The following MCTP1 variants were observed in gnomAD, a reference collection of about 807,000 sequenced individuals.
The protein encoded by MCTP1 is multiple C2 and transmembrane domain containing 1.
MCTP1 carries 69 observed loss-of-function variants against 120.6 expected under a neutral mutation model. That is an observed-to-expected ratio of 0.57 (90% CI 0.47 to 0.70). MCTP1 has a LOEUF of 0.70. MCTP1 is among the 30% of genes least tolerant of loss of function. The pLI is 0.00. For missense variants in MCTP1, 1,203 were observed against 1,248.8 expected, an observed-to-expected ratio of 0.96 and a Z score of 0.55; for synonymous variants, 529 against 493.1, an observed-to-expected ratio of 1.07 and a Z score of -0.96.
chr5:95,244,934 C>T (rs1014898955), intron 1 of MCTP1, among the ~76,000 whole-genome samples: 2 of 152,102 alleles, frequency 1.3e-5, no homozygotes, highest in African/African-American at 4.8e-5. Context: ...CTGACAGACA[C>T]CTCAAACAGG....
intron 17 of MCTP1, among the ~76,000 whole-genome samples, chr5:94,814,262 T>C (rs1381969942): frequency 6.6e-6 from 1 of 152,170 alleles, no homozygotes; most frequent in African/African-American, 2.4e-5. Flanking sequence ...TAAAAAGTGC[T>C]AAACTTTTGT....
chr5:95,208,220 G>T (rs1751900019), intron 1 of MCTP1, among the ~76,000 whole-genome samples: 1 of 152,128 alleles, frequency 6.6e-6, no homozygotes, highest in Non-Finnish European at 1.5e-5. Flanking sequence ...CTCCCTAGTA[G>T]CTGGGATTAC....
intron 2 of MCTP1, among the ~76,000 whole-genome samples, chr5:94,965,179 A>G (rs1411324201): frequency 3.3e-5 from 5 of 152,200 alleles, no homozygotes; most frequent in African/African-American, 4.8e-5. Flanking sequence ...GAGAAAGTCT[A>G]TATCTCTCCT....
At chr5:94,817,318 G>T (rs1189002960) in intron 17 of MCTP1, among the ~76,000 whole-genome samples, 4 of 152,200 alleles carry the variant, frequency 2.6e-5, no homozygotes, top group Middle Eastern at 3.2e-3. Flanking sequence ...TGAGGCATGA[G>T]AATCGCTTGA....
intron 10 of MCTP1, among the ~76,000 whole-genome samples, chr5:94,897,699 G>A (rs1407269125): frequency 6.6e-6 from 1 of 152,040 alleles, no homozygotes; most frequent in Non-Finnish European, 1.5e-5. Flanking sequence ...TTAGGTTTTG[G>A]TGGGCACATG....
rs545176224 is a variant in MCTP1, at chr5:94,906,503, T to C, written c.1652+2748A>G. 1.9e-3 allele frequency among the ~76,000 whole-genome samples: 295 copies of C among 152,136 alleles called. 1 individual carries two copies. The highest frequency in any genetic ancestry group is 2.5e-3 in the Non-Finnish European group (170 of 67,962). On this transcript the variant is annotated intron_variant, in intron 10 of 22. Coordinates refer to ENST00000515393, the MANE Select transcript of MCTP1 (RefSeq NM_024717.7). Reference sequence around the variant, plus strand: ...CCTGTCTCAAAAACAAAAACAAGAATGGAAGTGGGTAATGTTCAGTACTAA... The same window carrying C: ...CCTGTCTCAAAAACAAAAACAAGAACGGAAGTGGGTAATGTTCAGTACTAA...
intron 1 of MCTP1, among the ~76,000 whole-genome samples, chr5:95,065,449 T>C (rs973310130): frequency 1.3e-5 from 2 of 152,098 alleles, no homozygotes; most frequent in African/African-American, 2.4e-5. Context: ...TATTAAAATA[T>C]GGGTTACCGT....
chr5:95,201,048 A>G (rs1252563489), intron 1 of MCTP1, among the ~76,000 whole-genome samples: 2 of 152,250 alleles, frequency 1.3e-5, no homozygotes, highest in Non-Finnish European at 2.9e-5. Context: ...TGTGGATGCT[A>G]TAACTTTATT....
chr5:95,176,565 T>C (rs1310794133), intron 1 of MCTP1, among the ~76,000 whole-genome samples: 1 of 152,032 alleles, frequency 6.6e-6, no homozygotes, highest in African/African-American at 2.4e-5. Flanking sequence ...AAAGTCTTTT[T>C]CTCCAATAAG....
At chr5:94,709,926 A>G (rs1467066007) in intron 21 of MCTP1, 1 of 152,042 alleles carries the variant, frequency 6.6e-6, no homozygotes, top group Non-Finnish European at 1.5e-5. Context: ...ATTCCAACAT[A>G]TTTCTTCAAA....
intron 1 of MCTP1, among the ~76,000 whole-genome samples, chr5:95,198,347 A>G (rs1368391649): frequency 1.3e-5 from 2 of 152,170 alleles, no homozygotes; most frequent in Non-Finnish European, 2.9e-5. Flanking sequence ...TGGTGTAAAA[A>G]TGATACACAT....
At chr5:95,009,901 T>C (rs889898584) in intron 2 of MCTP1, among the ~76,000 whole-genome samples, 1 of 152,174 alleles carries the variant, frequency 6.6e-6, no homozygotes, top group African/African-American at 2.4e-5. Flanking sequence ...AATGGAAGAA[T>C]GATGGGCAGC....
Position 95,271,256 on chromosome 5 carries a change from G to A in MCTP1, c.720+12600C>T, listed in dbSNP as rs76354993. On this transcript the variant is annotated intron_variant, in intron 1 of 22. Coordinates refer to ENST00000515393, the MANE Select transcript of MCTP1 (RefSeq NM_024717.7). ...AATGTTTTTCAAATAGAGCCACTGCGAGACATTAGCATGGCAACATTAACA... is the reference window on the plus strand; with the variant it reads ...AATGTTTTTCAAATAGAGCCACTGCAAGACATTAGCATGGCAACATTAACA... Among the ~76,000 whole-genome samples the A allele has an allele frequency of 8.4e-3, 1,285 of 152,284 alleles. 24 individuals carry two copies. The highest frequency in any genetic ancestry group is 0.029 in the African/African-American group (1,215 of 41,566).
At chr5:95,170,598 A>C (rs1359219770) in intron 1 of MCTP1, among the ~76,000 whole-genome samples, 1 of 152,092 alleles carries the variant, frequency 6.6e-6, no homozygotes, top group Non-Finnish European at 1.5e-5. Flanking sequence ...GTGCTCCTGT[A>C]TTGGGTGCAT....
chr5:94,709,648 T>C (rs1392405146), intron 21 of MCTP1: 4 of 152,058 alleles, frequency 2.6e-5, no homozygotes, highest in Admixed American at 2.6e-4. Flanking sequence ...AAGATGAACA[T>C]ACAATAGGAA....
chr5:94,734,125 C>G (rs1231542413), intron 19 of MCTP1, among the ~76,000 whole-genome samples: 1 of 152,154 alleles, frequency 6.6e-6, no homozygotes, highest in African/African-American at 2.4e-5. Flanking sequence ...CCAATGCGCA[C>G]TAAATGTACC....
At chr5:94,855,615 A>T (rs1794585159) in intron 17 of MCTP1, among the ~76,000 whole-genome samples, 1 of 151,810 alleles carries the variant, frequency 6.6e-6, no homozygotes, top group Admixed American at 6.6e-5. Flanking sequence ...ATTCATTCTG[A>T]TGGTATAAAG....
chr5:95,197,050 G>A (rs992337702), intron 1 of MCTP1, among the ~76,000 whole-genome samples: 1 of 152,074 alleles, frequency 6.6e-6, no homozygotes, highest in African/African-American at 2.4e-5. Flanking sequence ...AGTTAATTGG[G>A]TATCTGATCA....
chr5:94,765,419 A>G (rs1772368969), intron 19 of MCTP1, among the ~76,000 whole-genome samples: 1 of 152,080 alleles, frequency 6.6e-6, no homozygotes, highest in African/African-American at 2.4e-5. Context: ...AACAAAATAG[A>G]CTGAGTCTGG....
Sources: allele counts gnomAD v4.1 joint callset (sites outside exome capture counted in the v4.1 genomes callset), GRCh38; gene constraint gnomAD v4.1.1; transcripts MANE v1.5; gene names NCBI Gene and HGNC (gene_info 2026-07-23, HGNC 2026-07-21).